The following GRAMD1B variants were observed in gnomAD, a reference collection of about 807,000 sequenced individuals.
GRAMD1B encodes protein Aster-B.
In GRAMD1B, 37 loss-of-function variants were observed where a neutral mutation model predicts 99.7. The observed-to-expected ratio is 0.37, with a 90% CI of 0.29 to 0.49. The LOEUF (loss-of-function observed/expected upper bound fraction) is 0.49, where lower values mean the gene tolerates loss of function less well. Ranked by LOEUF, GRAMD1B falls within the 20% of genes least tolerant of loss-of-function variation. GRAMD1B has a pLI of 0.98. For missense variants in GRAMD1B, 888 were observed against 1,009.2 expected (o/e 0.88, Z 1.63); for synonymous variants, 427 against 387.6 (o/e 1.10, Z -1.19).
chr11:123,594,906 C>A, intron 6 of GRAMD1B, 68 bp downstream of exon 6: 1 of 814,402 alleles, frequency 1.2e-6, no homozygotes. Flanking sequence ...CCCTCGCTTT[C>A]TTCCTTTTGC....
At chr11:123,577,700 G>A in intron 3 of GRAMD1B, 123 bp downstream of exon 3, 1 of 718,482 alleles carries the variant, frequency 1.4e-6, no homozygotes, top group Non-Finnish European at 2.4e-6. Flanking sequence ...ATGGCTCAGA[G>A]ACAGTCATTA....
chr11:123,359,088 G>A (rs1384175959), intron 1 of GRAMD1B, among the ~76,000 whole-genome samples: 1 of 152,120 alleles, frequency 6.6e-6, no homozygotes, highest in Non-Finnish European at 1.5e-5. Context: ...AGGTGGCGGA[G>A]CTGGCTTCCT....
intron 1 of GRAMD1B, among the ~76,000 whole-genome samples, chr11:123,395,398 A>G (rs573129300): frequency 1.3e-5 from 2 of 152,200 alleles, no homozygotes; most frequent in South Asian, 4.2e-4. Flanking sequence ...TTCCCTTTAT[A>G]CATTCCCCAA....
intron 1 of GRAMD1B, among the ~76,000 whole-genome samples, chr11:123,408,800 G>A (rs1947941739): frequency 6.6e-6 from 1 of 152,210 alleles, no homozygotes; most frequent in Non-Finnish European, 1.5e-5. Context: ...AATTCATGCA[G>A]GATAACTCTG....
At chr11:123,592,293 C>T (rs764132461) in intron 4 of GRAMD1B, among the ~76,000 whole-genome samples, 3 of 152,160 alleles carry the variant, frequency 2.0e-5, no homozygotes, top group Non-Finnish European at 4.4e-5. Flanking sequence ...GGCAGGAGGA[C>T]CAGGAGCAGT....
At chr11:123,570,142 G>A (rs916955588) in intron 2 of GRAMD1B, among the ~76,000 whole-genome samples, 24 of 152,218 alleles carry the variant, frequency 1.6e-4, no homozygotes, top group African/African-American at 5.8e-4. Context: ...TTTCTTGGGA[G>A]CGTAGTGGTT....
intron 2 of GRAMD1B, among the ~76,000 whole-genome samples, chr11:123,553,324 G>T (rs1038003244): frequency 4.8e-5 from 4 of 83,072 alleles, no homozygotes; most frequent in Non-Finnish European, 8.9e-5. Context: ...TGGTGTGCAT[G>T]GTGAAATGGG....
intron 1 of GRAMD1B, chr11:123,432,214 AGAGT>A (rs1032584597): frequency 2.5e-6 from 1 of 392,934 alleles, no homozygotes; most frequent in Non-Finnish European, 4.5e-6. Flanking sequence ...AAGGATAGGT[AGAGT>A]AAGGGGTTGT....
chr11:123,626,360 T>G lies in GRAMD1B; in HGVS notation c.*3765T>G, dbSNP rs187568544. ...CTTTGTGAGAAGTGGATTCTCTCCG[T>G]GTCCCTGCCCCCCACCCAAACTTGA... On this transcript the variant is annotated 3_prime_UTR_variant, in exon 20 of 20. Transcript: ENST00000635736. The G allele has an allele frequency of 6.6e-6, 1 of 152,260 alleles. No individual in the cohort carries two copies. Among genetic ancestry groups the G allele is most frequent in the African/African-American group, 2.4e-5 (1 of 41,532 alleles). 9.4% of individuals were successfully genotyped at this position (152,260 alleles called of 1,614,324 possible).
rs546829191 is a variant in GRAMD1B at position 123,505,745 on chromosome 11, T to C, written c.452+24852T>C. Among the ~76,000 whole-genome samples the C allele has an allele frequency of 1.6e-3, 240 of 152,234 alleles. 2 individuals are homozygous for C. Among genetic ancestry groups the C allele is most frequent in the African/African-American group, 5.7e-3 (236 of 41,548 alleles). On this transcript the variant is annotated intron_variant, in intron 2 of 19. Coordinates refer to ENST00000635736, the MANE Select transcript of GRAMD1B (RefSeq NM_001387025.1). The stretch of plus-strand genomic sequence containing the variant: ...CTCAGCTGCCTCTAGAAGTTGATGG[T>C]TAACAAGCAAAAGAAAAGGCACTGA...
chr11:123,556,941 C>T (rs1296759912), intron 2 of GRAMD1B, among the ~76,000 whole-genome samples: 1 of 152,204 alleles, frequency 6.6e-6, no homozygotes, highest in Admixed American at 6.5e-5. Flanking sequence ...CCCATGCCTT[C>T]CTAATGGCAT....
intron 2 of GRAMD1B, among the ~76,000 whole-genome samples, chr11:123,517,012 T>C (rs1322894466): frequency 2.0e-5 from 3 of 152,158 alleles, no homozygotes; most frequent in African/African-American, 7.2e-5. Flanking sequence ...CTCCACCTTC[T>C]GGGCTCAAGC....
At position 123,395,915 on chromosome 11, in the gene GRAMD1B, T is replaced by C. The variant is rs574407439; in HGVS notation, c.-176+37116T>C. ...AATATTTTCTGTCTTGCAGAACTGT[T>C]GGGAAACTCAAAGGAGGTATCAGAG... On this transcript the variant is annotated intron_variant, in intron 1 of 20. Transcript: ENST00000638157. 5.3e-5 allele frequency among the ~76,000 whole-genome samples: 8 copies of C among 152,330 alleles called. No homozygotes were observed. The South Asian group carries it at 1.4e-3, about 28-fold the overall frequency.
chr11:123,444,961 C>A (rs924770613), intron 1 of GRAMD1B, among the ~76,000 whole-genome samples: 4 of 152,144 alleles, frequency 2.6e-5, no homozygotes, highest in Non-Finnish European at 5.9e-5. Flanking sequence ...TATCCTAAGT[C>A]ATTTTCTTAG....
chr11:123,362,613 A>G (rs1591349433), intron 1 of GRAMD1B, among the ~76,000 whole-genome samples: 1 of 152,318 alleles, frequency 6.6e-6, no homozygotes, highest in East Asian at 1.9e-4. Context: ...CCACCCCATG[A>G]GTTGCTGAGC....
intron 1 of GRAMD1B, among the ~76,000 whole-genome samples, chr11:123,412,869 C>A (rs1444229079): frequency 6.6e-6 from 1 of 152,134 alleles, no homozygotes; most frequent in African/African-American, 2.4e-5. Context: ...GCAACGTCTA[C>A]CTCCTGGGTT....
chr11:123,586,385 C>T (rs911176147), intron 4 of GRAMD1B, among the ~76,000 whole-genome samples: 1 of 152,200 alleles, frequency 6.6e-6, no homozygotes, highest in African/African-American at 2.4e-5. Flanking sequence ...TCTCCTTTCA[C>T]CTTCCACCCT....
intron 17 of GRAMD1B, among the ~76,000 whole-genome samples, chr11:123,616,494 A>G (rs1299517314): frequency 6.6e-6 from 1 of 152,234 alleles, no homozygotes; most frequent in Non-Finnish European, 1.5e-5. Context: ...CTCTTTCTGC[A>G]TTTTGACTTT....
At chr11:123,405,552 G>A (rs749217659) in intron 1 of GRAMD1B, among the ~76,000 whole-genome samples, 31 of 152,212 alleles carry the variant, frequency 2.0e-4, no homozygotes, top group Non-Finnish European at 4.1e-4. Context: ...ATGCACTGTT[G>A]TGGTTACCCT....
Sources: allele counts gnomAD v4.1 joint callset (sites outside exome capture counted in the v4.1 genomes callset), GRCh38; gene constraint gnomAD v4.1.1; transcripts MANE v1.5; gene names NCBI Gene and HGNC (gene_info 2026-07-23, HGNC 2026-07-21).